The following NRXN3 variants were observed in gnomAD, a reference collection of about 807,000 sequenced individuals.
NRXN3 encodes neurexin 3.
A neutral mutation model predicts 137.6 loss-of-function variants in NRXN3; 32 were observed. The observed-to-expected ratio is 0.23, with a 90% confidence interval of 0.18 to 0.31. NRXN3 has a LOEUF of 0.31. NRXN3 is among the 10% of genes least tolerant of loss of function. NRXN3 has a pLI of 1.00. For missense variants in NRXN3, 1,574 were observed against 2,062.5 expected (o/e 0.76, Z 4.59); for synonymous variants, 798 against 784.5 (o/e 1.02, Z -0.29).
chr14:78,407,327 A>T (rs1277717903), intron 4 of NRXN3, among the ~76,000 whole-genome samples: 1 of 152,144 alleles, frequency 6.6e-6, no homozygotes, highest in African/African-American at 2.4e-5. Context: ...TTGACTTTGT[A>T]TAAGCTTCTT....
At chr14:79,844,962 C>T (rs1259666951) in intron 20 of NRXN3, among the ~76,000 whole-genome samples, 4 of 152,160 alleles carry the variant, frequency 2.6e-5, no homozygotes, top group Non-Finnish European at 5.9e-5. Flanking sequence ...GATCAGTTAT[C>T]TTAGCTAGAT....
chr14:78,956,287 A>G (rs2152963010), intron 10 of NRXN3, among the ~76,000 whole-genome samples: 1 of 152,256 alleles, frequency 6.6e-6, no homozygotes, highest in Non-Finnish European at 1.5e-5. Context: ...TTAAATTTGC[A>G]TTTCAGATCA....
chr14:79,489,929 C>T (rs559228922), intron 16 of NRXN3, among the ~76,000 whole-genome samples: 1 of 149,608 alleles, frequency 6.7e-6, no homozygotes, highest in East Asian at 2.0e-4. Context: ...GTCCCAGCTA[C>T]TCGGGAGGCT....
At chr14:79,071,442 T>C (rs1032490537) in intron 15 of NRXN3, among the ~76,000 whole-genome samples, 7 of 152,182 alleles carry the variant, frequency 4.6e-5, no homozygotes, top group East Asian at 3.8e-4. Context: ...GTCCATGTGT[T>C]CTCATTGAGA....
intron 15 of NRXN3, among the ~76,000 whole-genome samples, chr14:79,088,625 G>A (rs1372859156): frequency 6.6e-6 from 1 of 152,098 alleles, no homozygotes; most frequent in African/African-American, 2.4e-5. Flanking sequence ...ACCTGCGGAA[G>A]GGAAGGATTA....
At chr14:78,982,438 A>G (rs2099491680) in intron 14 of NRXN3, among the ~76,000 whole-genome samples, 1 of 152,154 alleles carries the variant, frequency 6.6e-6, no homozygotes, top group Admixed American at 6.6e-5. Context: ...TCTGACAAAA[A>G]ACGGATGCAC....
intron 15 of NRXN3, among the ~76,000 whole-genome samples, chr14:79,010,353 C>A (rs974113848): frequency 2.6e-5 from 4 of 152,134 alleles, no homozygotes; most frequent in African/African-American, 4.8e-5. Context: ...CACCAGTCTA[C>A]CCACCTACCC....
chr14:79,527,062 G>A (rs1271371930), intron 16 of NRXN3, among the ~76,000 whole-genome samples: 1 of 152,070 alleles, frequency 6.6e-6, no homozygotes, highest in Non-Finnish European at 1.5e-5. Flanking sequence ...TGAGGCAGGT[G>A]GATCACCCTG....
At chr14:78,706,586 C>G (rs1211365689) in intron 6 of NRXN3, among the ~76,000 whole-genome samples, 1 of 152,142 alleles carries the variant, frequency 6.6e-6, no homozygotes, top group Non-Finnish European at 1.5e-5. Flanking sequence ...GGTTCCCTAA[C>G]TGCTCTCTGT....
At chr14:79,218,987 C>T (rs1358952484) in intron 15 of NRXN3, among the ~76,000 whole-genome samples, 1 of 151,994 alleles carries the variant, frequency 6.6e-6, no homozygotes, top group African/African-American at 2.4e-5. Context: ...TATGATGGTG[C>T]CTTGTTTTAG....
intron 12 of NRXN3, among the ~76,000 whole-genome samples, chr14:78,967,007 C>T (rs1464286332): frequency 1.3e-5 from 2 of 152,046 alleles, no homozygotes. Flanking sequence ...GAAGTGGACT[C>T]GATGAGTATG....
intron 4 of NRXN3, among the ~76,000 whole-genome samples, chr14:78,521,542 A>G (rs368580107): frequency 1.3e-5 from 2 of 152,282 alleles, no homozygotes; most frequent in African/African-American, 4.8e-5. Flanking sequence ...CACTTAGCCA[A>G]TTGAGGATGG....
chr14:79,634,559 C>T (rs2098388379), intron 16 of NRXN3, among the ~76,000 whole-genome samples: 1 of 152,114 alleles, frequency 6.6e-6, no homozygotes, highest in South Asian at 2.1e-4. Context: ...CTGTAAAACT[C>T]ACAGAAACAT....
At chr14:79,105,716 A>C (rs2052301623) in intron 15 of NRXN3, among the ~76,000 whole-genome samples, 1 of 152,152 alleles carries the variant, frequency 6.6e-6, no homozygotes, top group Non-Finnish European at 1.5e-5. Flanking sequence ...AGCTAACAGA[A>C]AAGGTTGTAT....
At chr14:78,762,831 C>A (rs1305078121) in intron 8 of NRXN3, among the ~76,000 whole-genome samples, 1 of 152,176 alleles carries the variant, frequency 6.6e-6, no homozygotes, top group Non-Finnish European at 1.5e-5. Context: ...TGCACTGGTA[C>A]TATGGTTGCT....
rs868409628 is a variant in NRXN3 at position 79,761,228 on chromosome 14, C to T, written c.4015-43884C>T. 4.0e-5 allele frequency among the ~76,000 whole-genome samples: 6 copies of T among 151,848 alleles called. 1 individual carries two copies. The highest frequency in any genetic ancestry group is 1.5e-4 in the African/African-American group (6 of 41,138). ...AGCATTTTGTCATCCGACGGCTCCT[C>T]TTCCTTTGGCCTTCTGTATTGTATT... is the stretch of plus-strand genomic sequence containing the variant. On this transcript the variant is annotated intron_variant, in intron 19 of 20. Transcript: ENST00000335750.
chr14:79,708,826 AATTGGGGAAATAAAATG>A (rs1466980652), intron 19 of NRXN3, among the ~76,000 whole-genome samples: 6 of 152,134 alleles, frequency 3.9e-5, no homozygotes, highest in African/African-American at 1.2e-4. Flanking sequence ...TGGATGAAAT[AATTGGGGAAATAAAATG>A]ATTGGGGAAA....
chr14:78,478,867 A>G (rs984632356), intron 4 of NRXN3, among the ~76,000 whole-genome samples: 6 of 152,140 alleles, frequency 3.9e-5, no homozygotes. Flanking sequence ...CCACTTTCCA[A>G]TCACTTTAGG....
chr14:79,302,670 A>T (rs927504301), intron 15 of NRXN3, among the ~76,000 whole-genome samples: 1 of 151,836 alleles, frequency 6.6e-6, no homozygotes, highest in Non-Finnish European at 1.5e-5. Context: ...TCCTGTTCTC[A>T]TGATGGTGAG....
Sources: allele counts gnomAD v4.1 joint callset (sites outside exome capture counted in the v4.1 genomes callset), GRCh38; gene constraint gnomAD v4.1.1; transcripts MANE v1.5; gene names NCBI Gene and HGNC (gene_info 2026-07-23, HGNC 2026-07-21).